ACACA: variants seen among roughly 807,000 people sequenced by gnomAD.
ACACA encodes acetyl-CoA carboxylase 1.
ACACA carries 103 observed loss-of-function variants against 296.1 expected under a neutral mutation model. The ratio of observed to expected loss-of-function variants is 0.35; its 90% confidence interval spans 0.30 to 0.41. The LOEUF (loss-of-function observed/expected upper bound fraction) is 0.41, where lower values mean the gene tolerates loss of function less well. Among genes scored for constraint, ACACA ranks in the 10% least tolerant of loss-of-function variants. The pLI is 1.00. For missense variants in ACACA, 1,554 were observed against 2,989.7 expected, an observed-to-expected ratio of 0.52 and a Z score of 11.20; for synonymous variants, 953 against 1,038.6, an observed-to-expected ratio of 0.92 and a Z score of 1.58.
At position 37,087,274 on chromosome 17, in the gene ACACA, C is replaced by T; in HGVS notation, c.*42G>A. ...ACAGTTGTAAAAGGCAGCTCTAGCCCTTTTCTCCAGAGACAGGGCAGGGAC... is the reference window on the plus strand; with the variant it reads ...ACAGTTGTAAAAGGCAGCTCTAGCCTTTTTCTCCAGAGACAGGGCAGGGAC... On this transcript the variant is annotated 3_prime_UTR_variant, in exon 56 of 56. Transcript: ENST00000616317. The T allele has an allele frequency of 5.0e-6, 8 of 1,613,596 alleles. No individual in the cohort carries two copies. Among genetic ancestry groups the T allele is most frequent in the Non-Finnish European group, 6.8e-6 (8 of 1,179,954 alleles).
intron 1 of ACACA, among the ~76,000 whole-genome samples, chr17:37,377,258 A>G (rs1387456046): frequency 6.6e-6 from 1 of 152,148 alleles, no homozygotes; most frequent in African/African-American, 2.4e-5. Context: ...TAACTTAGTA[A>G]ATTTTCTTAA....
At chr17:37,125,877 T>C (rs958069727) in intron 47 of ACACA, 83 bp from the exon 48 acceptor site, 1 of 1,225,584 alleles carries the variant, frequency 8.2e-7, no homozygotes, top group African/African-American at 1.5e-5. Flanking sequence ...TTTAAGGTGG[T>C]TTGGGGGATT....
At chr17:37,232,782 T>C (rs1176068956) in intron 25 of ACACA, among the ~76,000 whole-genome samples, 1 of 152,126 alleles carries the variant, frequency 6.6e-6, no homozygotes, top group African/African-American at 2.4e-5. Context: ...GTTTTTGTTT[T>C]TTTTTTAAAG....
At chr17:37,126,266 A>G (rs1466062401) in intron 47 of ACACA, among the ~76,000 whole-genome samples, 1 of 152,236 alleles carries the variant, frequency 6.6e-6, no homozygotes, top group Non-Finnish European at 1.5e-5. Flanking sequence ...TGATCAGATA[A>G]GGATCCAAAT....
At chr17:37,090,037 T>C (rs2072507649) in intron 54 of ACACA, among the ~76,000 whole-genome samples, 1 of 152,288 alleles carries the variant, frequency 6.6e-6, no homozygotes, top group East Asian at 1.9e-4. Flanking sequence ...AGAATGACAA[T>C]GAGTTTGGTG....
chr17:37,273,583 T>G (rs74706498), intron 9 of ACACA, among the ~76,000 whole-genome samples: 1 of 152,208 alleles, frequency 6.6e-6, no homozygotes, highest in African/African-American at 2.4e-5. Flanking sequence ...CATATGCTCT[T>G]TGTCAGCTCT....
At position 37,246,834 on chromosome 17, in the gene ACACA, CAG is replaced by C. The variant is rs2080731471; in HGVS notation, c.2450_2451del (p.Ala817GlyfsTer3). Reference sequence around the variant, plus strand: ...CCTTTCACCACCCTGACCTCAATCTCAGCATAGCACTGGCCGGCAAACACATG... The same window carrying C: ...CCTTTCACCACCCTGACCTCAATCTCCATAGCACTGGCCGGCAAACACATG... Reference protein sequence around the residue: ...GGHVFAGQCYAEIEVMKMVMT... With the variant: ...GGHVFAGQCYXEIEVMKMVMT... On this transcript the variant is annotated frameshift_variant, in exon 19 of 56. Coordinates refer to ENST00000616317, the MANE Select transcript of ACACA (RefSeq NM_198834.3). LOFTEE classifies it high-confidence loss of function. 1 of 1,613,828 alleles carries C rather than the reference CAG, an allele frequency of 6.2e-7. No individual in the cohort carries two copies. Among genetic ancestry groups the C allele is most frequent in the Non-Finnish European group, 8.5e-7 (1 of 1,180,040 alleles).
chr17:37,390,334 A>ATATATATATAT (rs2050822111), intron 1 of ACACA, among the ~76,000 whole-genome samples: 9 of 93,388 alleles, frequency 9.6e-5, no homozygotes, highest in East Asian at 3.4e-4. Context: ...ATATATATAT[A>ATATATATATAT]AAAGGCCAGC....
intron 52 of ACACA, among the ~76,000 whole-genome samples, chr17:37,099,559 C>G (rs367804907): frequency 0.023 from 1,880 of 83,550 alleles, 14 homozygotes; most frequent in African/African-American, 0.039. Context: ...GGGCTGATGG[C>G]AGGAGGGCTG....
intron 49 of ACACA, 33 bp downstream of exon 49, chr17:37,122,498 A>G: frequency 6.3e-7 from 1 of 1,578,322 alleles, no homozygotes. Flanking sequence ...AAACCCTCCA[A>G]GCACAGCCCC....
chr17:37,332,220 TAA>T (rs771392453), intron 2 of ACACA, among the ~76,000 whole-genome samples: 2 of 138,554 alleles, frequency 1.4e-5, no homozygotes, highest in African/African-American at 2.6e-5. Flanking sequence ...AAGTATAATT[TAA>T]AAAAAAAAAA....
At chr17:37,227,999 A>G (rs1045053465) in intron 25 of ACACA, among the ~76,000 whole-genome samples, 8 of 152,028 alleles carry the variant, frequency 5.3e-5, no homozygotes. Context: ...CCCCACTTTG[A>G]TTATCAGCCC....
intron 1 of ACACA, among the ~76,000 whole-genome samples, chr17:37,385,117 C>T (rs2050468249): frequency 6.6e-6 from 1 of 152,052 alleles, no homozygotes; most frequent in South Asian, 2.1e-4. Flanking sequence ...TAACAGGTTA[C>T]CCTCCTTCTA....
chr17:37,196,969 G>A (rs545243209), intron 35 of ACACA, among the ~76,000 whole-genome samples: 1 of 152,104 alleles, frequency 6.6e-6, no homozygotes, highest in East Asian at 1.9e-4. Flanking sequence ...AAATATCAAA[G>A]TTAGGCAGTT....
chr17:37,129,064 G>A (rs1426380810), intron 47 of ACACA, among the ~76,000 whole-genome samples: 1 of 152,194 alleles, frequency 6.6e-6, no homozygotes, highest in East Asian at 1.9e-4. Flanking sequence ...CTGTGTTAAA[G>A]TCTTTGAACC....
chr17:37,290,054 G>A (rs1322814470), intron 3 of ACACA, among the ~76,000 whole-genome samples: 1 of 151,640 alleles, frequency 6.6e-6, no homozygotes, highest in Non-Finnish European at 1.5e-5. Flanking sequence ...AAACATCTTT[G>A]GGTTTTTTTT....
intron 8 of ACACA, 47 bp downstream of exon 8, chr17:37,275,904 C>T: frequency 6.7e-7 from 1 of 1,495,368 alleles, no homozygotes; most frequent in Non-Finnish European, 9.3e-7. Context: ...AAATATCCTA[C>T]TGAGCTATTC....
At chr17:37,205,719 C>G in intron 33 of ACACA, 46 bp downstream of exon 33, 1 of 1,386,330 alleles carries the variant, frequency 7.2e-7, no homozygotes, top group Non-Finnish European at 1.0e-6. Flanking sequence ...GATACACAGC[C>G]AGTAGAAAGG....
chr17:37,132,776 A>G (rs1394950893), intron 45 of ACACA, among the ~76,000 whole-genome samples: 1 of 152,200 alleles, frequency 6.6e-6, no homozygotes, highest in Non-Finnish European at 1.5e-5. Context: ...ACACTCAGAA[A>G]AAGGGACCGC....
Sources: allele counts gnomAD v4.1 joint callset (sites outside exome capture counted in the v4.1 genomes callset), GRCh38; gene constraint gnomAD v4.1.1; transcripts MANE v1.5; gene names NCBI Gene and HGNC (gene_info 2026-07-23, HGNC 2026-07-21).